The following SLC9B2 variants were observed in gnomAD, a reference collection of about 807,000 sequenced individuals.
The protein encoded by SLC9B2 is sodium/hydrogen exchanger 9B2.
SLC9B2 carries 39 observed loss-of-function variants against 52.2 expected under a neutral mutation model. The ratio of observed to expected loss-of-function variants is 0.75; its 90% CI spans 0.58 to 0.98. The LOEUF (loss-of-function observed/expected upper bound fraction) is 0.98, where lower values mean the gene tolerates loss of function less well. Among genes scored for constraint, SLC9B2 ranks in the 50% least tolerant of loss-of-function variants. SLC9B2 has a pLI of 0.00. For synonymous variants in SLC9B2, 214 were observed against 227.0 expected, an observed-to-expected ratio of 0.94 and a Z score of 0.51; for missense variants, 626 against 637.5, an observed-to-expected ratio of 0.98 and a Z score of 0.19.
At chr4:103,029,283 G>A (rs1742491528) in intron 10 of SLC9B2, among the ~76,000 whole-genome samples, 2 of 152,080 alleles carry the variant, frequency 1.3e-5, no homozygotes, top group Admixed American at 1.3e-4. Flanking sequence ...TATAGACTTT[G>A]CCTCAAAGTC....
At chr4:103,048,845 C>T in intron 6 of SLC9B2, 48 bp downstream of exon 6, 2 of 1,601,524 alleles carry the variant, frequency 1.2e-6, no homozygotes, top group African/African-American at 1.3e-5. Flanking sequence ...TCAGGGAAAG[C>T]CCTAAATGTC....
At chr4:103,060,024 C>CT (rs1745484600) in intron 3 of SLC9B2, among the ~76,000 whole-genome samples, 1 of 151,796 alleles carries the variant, frequency 6.6e-6, no homozygotes, top group Admixed American at 6.6e-5. Context: ...TAAAGGAATT[C>CT]TTTTTCCTTG....
rs565610580 is a variant in SLC9B2 at position 103,043,555 on chromosome 4, T to C, written c.997-110A>G. 5.2e-5 allele frequency: 54 copies of C among 1,038,638 alleles called. No individual in the cohort carries two copies. In the East Asian group the frequency reaches 5.8e-4, roughly 11 times the overall value. 64.3% of individuals were successfully genotyped at this position (1,038,638 alleles called of 1,614,324 possible). On this transcript the variant is annotated intron_variant, in intron 8 of 11. Transcript: ENST00000394785. ...AAGAAAATAAAAATTAAAATGTCTA[T>C]ATAAATAGACAAAACAAGTGCACTA...
Position 103,038,670 on chromosome 4 carries a change from G to C in SLC9B2, c.1146+4626C>G, listed in dbSNP as rs544478651. 9.0e-4 allele frequency among the ~76,000 whole-genome samples: 137 copies of C among 152,138 alleles called. 2 individuals carry two copies. The highest frequency in any genetic ancestry group is 1.0e-3 in the Non-Finnish European group (70 of 68,014). ...CAATTACTTTGGAGGACCAACAAAG[G>C]AGAAAGTTAAGATAAATGGAAGTTT... is the stretch of plus-strand genomic sequence containing the variant. On this transcript the variant is annotated intron_variant, in intron 9 of 11. Coordinates refer to ENST00000394785, the MANE Select transcript of SLC9B2 (RefSeq NM_178833.7).
downstream of SLC9B2, chr4:103,019,574 C>A: frequency 1.0e-6 from 1 of 985,246 alleles, no homozygotes; most frequent in Non-Finnish European, 1.2e-6. Context: ...CTTGGAAGGG[C>A]GGCGTTAAGA....
At chr4:103,019,493 G>T, downstream of SLC9B2, 2 of 730,812 alleles carry the variant, frequency 2.7e-6, no homozygotes, top group Non-Finnish European at 3.3e-6. Flanking sequence ...TGAACTGAGG[G>T]GGAGGAAAGG....
rs1236630074 is a variant in SLC9B2, at chr4:103,028,749, G to C, written c.1390C>G (p.Gln464Glu). 2.5e-6 allele frequency: 4 copies of C among 1,607,742 alleles called. No homozygotes were observed. The highest frequency in any genetic ancestry group is 1.7e-5 in the Admixed American group (1 of 58,482). Residue 464 changes from glutamine to glutamate, a missense_variant and splice_region_variant, in exon 11 of 12, where the codon CAG becomes GAG. Transcript: ENST00000394785. ...CTAAGCCATCCTATCCATCATACCT[G>C]AACTGTGGCCTTTGGAAGCCATGCA... ...SFAWLPKATV[Q>E]AAIGSVALDT... is the part of the protein sequence containing the mutation.
At chr4:103,054,418 T>G (rs1421444467) in intron 4 of SLC9B2, among the ~76,000 whole-genome samples, 1 of 152,200 alleles carries the variant, frequency 6.6e-6, no homozygotes, top group African/African-American at 2.4e-5. Context: ...TAATTAGAAT[T>G]TGTATTTTAA....
chr4:103,052,715 A>ATT (rs571633889), intron 4 of SLC9B2, among the ~76,000 whole-genome samples: 2 of 141,492 alleles, frequency 1.4e-5, no homozygotes, highest in African/African-American at 2.6e-5. Flanking sequence ...ATGAGGGGAC[A>ATT]TTTTTTTTTT....
intron 1 of SLC9B2, among the ~76,000 whole-genome samples, chr4:103,068,053 T>G (rs949777458): frequency 6.6e-6 from 1 of 152,164 alleles, no homozygotes; most frequent in African/African-American, 2.4e-5. Context: ...TATTTCTAAA[T>G]TAAAGTTTAA....
chr4:103,076,978 C>T (rs982071021), upstream of SLC9B2: 1 of 152,262 alleles, frequency 6.6e-6, no homozygotes, highest in African/African-American at 2.4e-5. Flanking sequence ...GGATAAAAGA[C>T]TTGTTCTGCC....
chr4:103,021,201 A>G (rs538319930), downstream of SLC9B2, among the ~76,000 whole-genome samples: 134 of 152,316 alleles, frequency 8.8e-4, no homozygotes, highest in African/African-American at 3.1e-3. Context: ...CTTATGCTCT[A>G]GAAGGAATGG....
chr4:103,057,906 C>T lies in SLC9B2; in HGVS notation c.337G>A (p.Gly113Arg), dbSNP rs944911801. ...AGGATTATAATTCCAAATAGGTTTC[C>T]TCCAGGAAGACATTCACTGCCAGTA... ...SITGSECLPG[G>R]NLFGIIILFY... Residue 113 changes from glycine (G) to arginine (R), a missense_variant, in exon 4 of 12, where the codon GGA (glycine) becomes AGA (arginine). Coordinates refer to ENST00000394785, the MANE Select transcript of SLC9B2 (RefSeq NM_178833.7). The T allele has an allele frequency of 4.3e-6, 7 of 1,613,814 alleles. No individual in the cohort carries two copies. Among genetic ancestry groups the T allele is most frequent in the African/African-American group, 2.7e-5 (2 of 74,884 alleles).
chr4:103,074,165 T>C (rs1336743379), intron 1 of SLC9B2, among the ~76,000 whole-genome samples: 1 of 152,220 alleles, frequency 6.6e-6, no homozygotes, highest in Admixed American at 6.5e-5. Flanking sequence ...GATGGGTTTC[T>C]TGGGACAATT....
At chr4:103,040,898 C>T (rs1310490520) in intron 9 of SLC9B2, among the ~76,000 whole-genome samples, 1 of 152,164 alleles carries the variant, frequency 6.6e-6, no homozygotes, top group Non-Finnish European at 1.5e-5. Flanking sequence ...AGCCCCACCA[C>T]AGTCTAAAAT....
Position 103,044,991 on chromosome 4 carries a change from T to A in SLC9B2, c.895A>T (p.Thr299Ser), listed in dbSNP as rs139956612. 2.5e-6 allele frequency: 4 copies of A among 1,608,216 alleles called. No homozygotes were observed. The highest frequency in any genetic ancestry group is 8.5e-7 in the Non-Finnish European group (1 of 1,176,038). The change falls in exon 8 of 12, where the codon ACT (threonine) becomes TCT (serine). Residue 299 changes from threonine to serine, a missense_variant. Transcript: ENST00000394785. ...ACTCCTCTGAGGACATTAAAGACAG[T>A]AGAGCCTGAAAAATATATTAAAAAA... ...CLGIAFSTGS[T>S]VFNVLRGVLE... is the part of the protein sequence containing the mutation.
intron 9 of SLC9B2, among the ~76,000 whole-genome samples, chr4:103,043,059 A>G (rs1357560590): frequency 6.6e-6 from 1 of 152,196 alleles, no homozygotes; most frequent in Non-Finnish European, 1.5e-5. Flanking sequence ...ATTACAAAGA[A>G]TAAGGAAGGC....
At chr4:103,069,256 G>T (rs1746409620) in intron 1 of SLC9B2, among the ~76,000 whole-genome samples, 1 of 152,186 alleles carries the variant, frequency 6.6e-6, no homozygotes, top group Non-Finnish European at 1.5e-5. Context: ...GCTGGAGCTT[G>T]TGGCAGGAGG....
intron 9 of SLC9B2, chr4:103,042,012 T>C (rs1427826190): frequency 1.3e-5 from 2 of 152,162 alleles, no homozygotes; most frequent in Non-Finnish European, 2.9e-5. Context: ...TTTCTCTTTT[T>C]ACCCATGACA....
Sources: gnomAD v4.1 joint callset for allele counts (sites outside exome capture counted in the v4.1 genomes callset) on GRCh38, gnomAD v4.1.1 for gene constraint, MANE v1.5 for transcripts, NCBI Gene and HGNC (gene_info 2026-07-23, HGNC 2026-07-21) for gene names.